The following PRSS23 variants were observed in gnomAD, a reference collection of about 807,000 sequenced individuals.
The protein encoded by PRSS23 is protease, serine 23.
A neutral mutation model predicts 34.7 loss-of-function variants in PRSS23; 25 were observed. That is an observed-to-expected ratio of 0.72 (90% CI 0.53 to 1.01). PRSS23 has a LOEUF of 1.01. Among genes scored for constraint, PRSS23 ranks in the 50% least tolerant of loss-of-function variants. The pLI is 0.00. For missense variants in PRSS23, 445 were observed against 475.6 expected, an observed-to-expected ratio of 0.94 and a Z score of 0.60; for synonymous variants, 176 against 186.6, an observed-to-expected ratio of 0.94 and a Z score of 0.46.
chr11:86,868,128 C>T (rs117093621), intron 2 of PRSS23, among the ~76,000 whole-genome samples: 1 of 152,062 alleles, frequency 6.6e-6, no homozygotes, highest in African/African-American at 2.4e-5. Context: ...CATTTGAGAC[C>T]ACAAGGAGCT....
chr11:86,855,234 A>C (rs1014745195), intron 2 of PRSS23, among the ~76,000 whole-genome samples: 1 of 152,162 alleles, frequency 6.6e-6, no homozygotes, highest in African/African-American at 2.4e-5. Context: ...AGAGTATAGA[A>C]GGGTGTGATT....
chr11:86,888,117 T>TAAA (rs35019573), intron 2 of PRSS23, among the ~76,000 whole-genome samples: 9 of 98,828 alleles, frequency 9.1e-5, no homozygotes, highest in African/African-American at 1.9e-4. Context: ...TGGTTTTTTT[T>TAAA]AAAAAAAAAC....
At chr11:86,843,414 G>A (rs1948462946) in intron 2 of PRSS23, among the ~76,000 whole-genome samples, 1 of 152,106 alleles carries the variant, frequency 6.6e-6, no homozygotes, top group African/African-American at 2.4e-5. Flanking sequence ...AGCCAAAATA[G>A]ACAAATGGGA....
In PRSS23 at chr11:86,840,176, A is replaced by T. The variant is rs1052346651; in HGVS notation, c.206+16583A>T. ...TTGGCAAATTGGATAAAGAGTCAAG[A>T]CCCATCAGTGTGCTGTATTCAGGAT... On this transcript the variant is annotated intron_variant, in intron 2 of 2. Transcript: ENST00000533902. Among the ~76,000 whole-genome samples the T allele has an allele frequency of 4.6e-5, 7 of 152,142 alleles. No homozygotes were observed. The East Asian group carries it at 1.2e-3, about 25-fold the overall frequency.
At chr11:86,893,830 T>C (rs1039326055) in intron 2 of PRSS23, among the ~76,000 whole-genome samples, 2 of 152,152 alleles carry the variant, frequency 1.3e-5, no homozygotes, top group Non-Finnish European at 2.9e-5. Context: ...AAGGAACCAG[T>C]AAGATATTAC....
intron 1 of PRSS23, among the ~76,000 whole-genome samples, chr11:86,794,540 C>A (rs953295502): frequency 6.6e-6 from 1 of 152,034 alleles, no homozygotes; most frequent in African/African-American, 2.4e-5. Flanking sequence ...CCATATGTAC[C>A]AATATGACAA....
At chr11:86,935,714 C>T (rs1949157183) in intron 2 of PRSS23, 1 of 151,964 alleles carries the variant, frequency 6.6e-6, no homozygotes, top group Non-Finnish European at 1.5e-5. Context: ...CACTGAAGCC[C>T]AGAGAGGTTA....
At chr11:86,832,565 A>T (rs1180597741) in intron 2 of PRSS23, 7 of 462,800 alleles carry the variant, frequency 1.5e-5, no homozygotes, top group South Asian at 3.3e-5. Context: ...GACCCTTTTG[A>T]TGTCCCTGTT....
intron 2 of PRSS23, among the ~76,000 whole-genome samples, chr11:86,851,923 C>G (rs1033407528): frequency 6.6e-6 from 1 of 152,012 alleles, no homozygotes; most frequent in African/African-American, 2.4e-5. Context: ...GGGGGGGAAG[C>G]AAAATTTTGA....
At chr11:86,824,391 A>G (rs567239531) in intron 2 of PRSS23, among the ~76,000 whole-genome samples, 481 of 150,632 alleles carry the variant, frequency 3.2e-3, no homozygotes, top group Admixed American at 5.7e-3. Context: ...AAAAAACAAA[A>G]TGGAGGAAAG....
chr11:86,888,906 G>C (rs953709511), intron 2 of PRSS23, among the ~76,000 whole-genome samples: 1 of 152,168 alleles, frequency 6.6e-6, no homozygotes, highest in African/African-American at 2.4e-5. Context: ...TTTGCCCCTG[G>C]GAACTTGCTG....
intron 2 of PRSS23, among the ~76,000 whole-genome samples, chr11:86,838,150 T>C (rs1170524171): frequency 6.6e-6 from 1 of 151,804 alleles, no homozygotes; most frequent in Non-Finnish European, 1.5e-5. Flanking sequence ...GTTTACAATA[T>C]AAAATTTGAT....
chr11:86,835,908 T>C (rs1206525554), intron 2 of PRSS23, among the ~76,000 whole-genome samples: 3 of 152,146 alleles, frequency 2.0e-5, no homozygotes, highest in East Asian at 3.9e-4. Flanking sequence ...GGTATGAGAA[T>C]TGGCTCAAGT....
At chr11:86,874,726 G>A (rs1226809950) in intron 2 of PRSS23, among the ~76,000 whole-genome samples, 3 of 152,210 alleles carry the variant, frequency 2.0e-5, no homozygotes, top group African/African-American at 7.2e-5. Flanking sequence ...TATGCCTGTG[G>A]GTTCTGTGGG....
At chr11:86,951,601 A>C (rs1464837675) in exon 3 of PRSS23, 1 of 1,614,178 alleles carries the variant, frequency 6.2e-7, no homozygotes, top group Admixed American at 1.7e-5. Context: ...CGGTGAGGGC[A>C]TCGAGATTTT....
At chr11:86,800,683 C>G (rs902979601) in intron 1 of PRSS23, 32 bp downstream of exon 1, 6 of 978,476 alleles carry the variant, frequency 6.1e-6, no homozygotes, top group African/African-American at 3.5e-5. Flanking sequence ...GGCATCCGCC[C>G]GGGCGCGGGA....
intron 2 of PRSS23, among the ~76,000 whole-genome samples, chr11:86,859,532 T>G (rs1422842482): frequency 6.6e-6 from 1 of 151,934 alleles, no homozygotes; most frequent in Non-Finnish European, 1.5e-5. Flanking sequence ...ACTCCCAATA[T>G]CGCAGCAGGT....
upstream of PRSS23, chr11:86,800,522 C>T (rs919504908): frequency 1.1e-5 from 11 of 984,402 alleles, no homozygotes; most frequent in African/African-American, 1.9e-4. Context: ...CAGCTGCCTG[C>T]GCTGCTCGCC....
chr11:86,810,728 C>T lies in PRSS23; in HGVS notation c.*1933C>T, dbSNP rs1046648454. On this transcript the variant is annotated 3_prime_UTR_variant, in exon 2 of 2. Coordinates refer to ENST00000280258, the MANE Select transcript of PRSS23 (RefSeq NM_007173.6). ...GCAAAGTTAGACAATGGCACAAAGTCAAAATGAAATCAATGTTTAGTTCAC... is the reference window on the plus strand; with the variant it reads ...GCAAAGTTAGACAATGGCACAAAGTTAAAATGAAATCAATGTTTAGTTCAC... 10 of 166,866 alleles carry T rather than the reference C, an allele frequency of 6.0e-5. No homozygotes were observed. The highest frequency in any genetic ancestry group is 1.5e-5 in the Non-Finnish European group (1 of 68,072). 10.3% of individuals were successfully genotyped at this position (166,866 alleles called of 1,614,324 possible).
Sources: allele counts gnomAD v4.1 joint callset (sites outside exome capture counted in the v4.1 genomes callset), GRCh38; gene constraint gnomAD v4.1.1; transcripts MANE v1.5; gene names NCBI Gene and HGNC (gene_info 2026-07-23, HGNC 2026-07-21).